The following TAB2 variants were observed in gnomAD, a reference collection of about 807,000 sequenced individuals.
TAB2 encodes TGF-beta activated kinase 1 (MAP3K7) binding protein 2.
TAB2 carries 3 observed loss-of-function variants against 65.0 expected under a neutral mutation model. The ratio of observed to expected loss-of-function variants is 0.05; its 90% CI spans 0.02 to 0.12. The LOEUF (loss-of-function observed/expected upper bound fraction) is 0.12, where lower values mean the gene tolerates loss of function less well. TAB2 is among the 10% of genes least tolerant of loss of function. The pLI is 1.00. For synonymous variants in TAB2, 298 were observed against 285.1 expected, an observed-to-expected ratio of 1.05 and a Z score of -0.46; for missense variants, 623 against 840.3, an observed-to-expected ratio of 0.74 and a Z score of 3.20.
At chr6:149,307,141 A>G (rs661838) in intron 1 of TAB2, among the ~76,000 whole-genome samples, 78,640 of 151,926 alleles carry the variant, frequency 0.52, 23,138 homozygotes, top group African/African-American at 0.82. Context: ...GAGTCATAGA[A>G]CAATTCCGTT....
intron 1 of TAB2, among the ~76,000 whole-genome samples, chr6:149,266,969 G>T (rs939148325): frequency 6.6e-6 from 1 of 152,182 alleles, no homozygotes; most frequent in Admixed American, 6.5e-5. Context: ...CCCTAGGGCT[G>T]GGGGAGCAAA....
At position 149,410,475 on chromosome 6, in the gene TAB2, T is replaced by C. The variant is rs1782813627; in HGVS notation, c.*756T>C. 2 of 152,656 alleles carry C rather than the reference T, an allele frequency of 1.3e-5. No homozygotes were observed. Among genetic ancestry groups the C allele is most frequent in the South Asian group, 4.1e-4 (2 of 4,830 alleles). 9.5% of individuals were successfully genotyped at this position (152,656 alleles called of 1,614,324 possible). A position where few individuals can be genotyped will look rare whatever the true frequency, so the allele number is the denominator to read the frequency against. ...TAATTTTCTTTTTTCCTTTTAGTAA[T>C]TAAGCACGATCATGTCCCTTTTTAA... On this transcript the variant is annotated 3_prime_UTR_variant, in exon 7 of 7. Coordinates refer to ENST00000637181, the MANE Select transcript of TAB2 (RefSeq NM_001292034.3).
intron 1 of TAB2, among the ~76,000 whole-genome samples, chr6:149,282,493 C>T (rs901247046): frequency 2.6e-5 from 4 of 152,110 alleles, no homozygotes; most frequent in East Asian, 1.9e-4. Flanking sequence ...ACAAAATAGA[C>T]GTTCTTTTGA....
chr6:149,273,890 G>C (rs1438230738), intron 1 of TAB2, among the ~76,000 whole-genome samples: 3 of 152,194 alleles, frequency 2.0e-5, no homozygotes, highest in Non-Finnish European at 4.4e-5. Flanking sequence ...AGTTTAAACT[G>C]AACTAATTTC....
intron 1 of TAB2, among the ~76,000 whole-genome samples, chr6:149,320,324 G>A (rs971537941): frequency 3.3e-5 from 5 of 152,144 alleles, no homozygotes; most frequent in Non-Finnish European, 7.4e-5. Context: ...TGATCCACCC[G>A]CCTCAGCCTC....
intron 1 of TAB2, among the ~76,000 whole-genome samples, chr6:149,307,089 C>T: frequency 6.6e-6 from 1 of 152,058 alleles, no homozygotes; most frequent in East Asian, 1.9e-4. Flanking sequence ...AGATCTGGGG[C>T]TGAGACATCC....
Position 149,342,483 on chromosome 6 carries a change from G to A in TAB2, c.-90+24468G>A, listed in dbSNP as rs577580634. Among the ~76,000 whole-genome samples, 6 of 152,202 alleles carry A rather than the reference G, an allele frequency of 3.9e-5. No homozygotes were observed. In the South Asian group the frequency reaches 8.3e-4, roughly 21 times the overall value. On this transcript the variant is annotated intron_variant, in intron 1 of 6. Transcript: ENST00000637181. ...GAACTGAGATTCCAGAATAGTGTTGGGTAGGTTAAAAGAATGGCTTAACCA... is the reference window on the plus strand; with the variant it reads ...GAACTGAGATTCCAGAATAGTGTTGAGTAGGTTAAAAGAATGGCTTAACCA...
At chr6:149,288,318 T>C (rs1013228239) in intron 1 of TAB2, among the ~76,000 whole-genome samples, 1 of 152,072 alleles carries the variant, frequency 6.6e-6, no homozygotes, top group East Asian at 1.9e-4. Flanking sequence ...GAGAACAGAG[T>C]TACAAGTGCA....
chr6:149,346,277 C>A (rs184775755), intron 1 of TAB2, among the ~76,000 whole-genome samples: 1 of 152,194 alleles, frequency 6.6e-6, no homozygotes, highest in East Asian at 1.9e-4. Context: ...CGCATGCACA[C>A]ACACACACCC....
intron 1 of TAB2, among the ~76,000 whole-genome samples, chr6:149,300,458 A>G (rs1778952005): frequency 6.6e-6 from 1 of 152,190 alleles, no homozygotes; most frequent in African/African-American, 2.4e-5. Flanking sequence ...TTGGATGAAA[A>G]AGTCTTTAAA....
intron 1 of TAB2, among the ~76,000 whole-genome samples, chr6:149,286,439 T>A (rs1448094052): frequency 6.6e-6 from 1 of 152,216 alleles, no homozygotes; most frequent in Non-Finnish European, 1.5e-5. Context: ...ATTTTATAAA[T>A]CCCTTTAAAA....
chr6:149,314,636 G>C (rs1055394531), upstream of TAB2, among the ~76,000 whole-genome samples: 1 of 152,142 alleles, frequency 6.6e-6, no homozygotes, highest in African/African-American at 2.4e-5. Flanking sequence ...CAGCTACCTT[G>C]TATCAATGCT....
At chr6:149,351,632 C>A (rs573716750) in intron 1 of TAB2, among the ~76,000 whole-genome samples, 2 of 152,322 alleles carry the variant, frequency 1.3e-5, no homozygotes, top group African/African-American at 4.8e-5. Flanking sequence ...GCTACTCTAT[C>A]ATCACCATTT....
chr6:149,325,688 AT>A (rs1196978142), intron 1 of TAB2, among the ~76,000 whole-genome samples: 3 of 152,158 alleles, frequency 2.0e-5, no homozygotes, highest in African/African-American at 7.2e-5. Flanking sequence ...GTTTAATATA[AT>A]ACTACAAAAC....
At chr6:149,297,969 T>C (rs1780889308) in intron 1 of TAB2, among the ~76,000 whole-genome samples, 1 of 152,236 alleles carries the variant, frequency 6.6e-6, no homozygotes, top group Admixed American at 6.5e-5. Context: ...TTTGATTTTC[T>C]GGGACAATAC....
intron 1 of TAB2, among the ~76,000 whole-genome samples, chr6:149,325,817 G>A (rs1583090469): frequency 1.3e-5 from 2 of 152,288 alleles, no homozygotes; most frequent in South Asian, 4.1e-4. Flanking sequence ...ACAGCTCACT[G>A]AAGTCTTGAC....
At chr6:149,402,412 A>G (rs544947) in intron 6 of TAB2, among the ~76,000 whole-genome samples, 55,472 of 151,956 alleles carry the variant, frequency 0.37, 10,382 homozygotes, top group East Asian at 0.6. Context: ...GACTGAGTAG[A>G]CCAATAACAA....
At chr6:149,395,456 A>C (rs757565019) in intron 3 of TAB2, among the ~76,000 whole-genome samples, 19 of 152,290 alleles carry the variant, frequency 1.2e-4, no homozygotes, top group Admixed American at 5.9e-4. Flanking sequence ...CTTTGAATTT[A>C]GAAACTGCAC....
Position 149,368,411 on chromosome 6 carries a change from G to A in TAB2, c.-89-1498G>A, listed in dbSNP as rs144514764. Among the ~76,000 whole-genome samples, 1,127 of 151,972 alleles carry A rather than the reference G, an allele frequency of 7.4e-3. 14 individuals are homozygous for A. Among genetic ancestry groups the A allele is most frequent in the African/African-American group, 0.026 (1,088 of 41,434 alleles). ...GTAGGTTAAAAGAGATTAGAAGGGA[G>A]GGAGAAAGTGAAGACACTTACGTAT... On this transcript the variant is annotated intron_variant, in intron 1 of 6. Coordinates refer to ENST00000637181, the MANE Select transcript of TAB2 (RefSeq NM_001292034.3).
Sources: gnomAD v4.1 joint callset for allele counts (sites outside exome capture counted in the v4.1 genomes callset) on GRCh38, gnomAD v4.1.1 for gene constraint, MANE v1.5 for transcripts, NCBI Gene and HGNC (gene_info 2026-07-23, HGNC 2026-07-21) for gene names.